Variants in GINS1 observed in about 807,000 individuals in gnomAD.
GINS1 encodes the protein DNA replication complex GINS protein PSF1.
In GINS1, 26 loss-of-function variants were observed where a neutral mutation model predicts 34.9. That is an observed-to-expected ratio of 0.74 (90% CI 0.55 to 1.03). The LOEUF is 1.03. GINS1 is among the 50% of genes least tolerant of loss of function. GINS1 has a pLI of 0.00. For missense variants in GINS1, 235 were observed against 237.9 expected (o/e 0.99, Z 0.08); for synonymous variants, 97 against 84.4 (o/e 1.15, Z -0.82).
Position 25,429,934 on chromosome 20 carries a change from A to C in GINS1, c.447+4607A>C, listed in dbSNP as rs1356686450. 5.9e-5 allele frequency among the ~76,000 whole-genome samples: 9 copies of C among 152,102 alleles called. No homozygotes were observed. In the East Asian group the frequency reaches 1.7e-3, roughly 29 times the overall value. Reference sequence around the variant, plus strand: ...TTCAGTCTTTCTTTTTCTTTTTGAGACAGAGTCTTGCTCTGTTGCCCAGGT... The same window carrying C: ...TTCAGTCTTTCTTTTTCTTTTTGAGCCAGAGTCTTGCTCTGTTGCCCAGGT... On this transcript the variant is annotated intron_variant, in intron 5 of 6. Coordinates refer to ENST00000262460, the MANE Select transcript of GINS1 (RefSeq NM_021067.5).
chr20:25,424,375 G>C (rs530616502), intron 4 of GINS1, among the ~76,000 whole-genome samples: 1 of 152,098 alleles, frequency 6.6e-6, no homozygotes, highest in Non-Finnish European at 1.5e-5. Context: ...GATTGTTGAC[G>C]TTATTACAAT....
Position 25,420,865 on chromosome 20 carries a change from CT to C in GINS1, c.330+2671del, listed in dbSNP as rs1451854609. The C allele has an allele frequency of 3.1e-6, 3 of 978,140 alleles. No homozygotes were observed. The East Asian group carries it at 3.4e-4, about 111-fold the overall frequency. The allele number at this position is 978,140 out of a possible 1,614,324, so 60.6% of individuals were successfully genotyped here. A position where few individuals can be genotyped will look rare whatever the true frequency, so the allele number is the denominator to read the frequency against. ...TCTTAGTAGTGATGTTTTGGAAACA[CT>C]GAAGGATGAGAAGAGATTAATACAG... On this transcript the variant is annotated intron_variant, in intron 4 of 6. Coordinates refer to ENST00000262460, the MANE Select transcript of GINS1 (RefSeq NM_021067.5).
intron 1 of GINS1, chr20:25,409,030 T>G: frequency 1.0e-6 from 1 of 985,150 alleles, no homozygotes; most frequent in Non-Finnish European, 1.2e-6. Flanking sequence ...AGGTGATATA[T>G]GAGCCTTTCC....
intron 4 of GINS1, among the ~76,000 whole-genome samples, chr20:25,420,335 T>A (rs961152050): frequency 1.4e-4 from 21 of 151,772 alleles, no homozygotes; most frequent in Non-Finnish European, 5.9e-5. Flanking sequence ...GGTTTCACTG[T>A]ATTGGCCAGG....
intron 3 of GINS1, 194 bp downstream of exon 3, chr20:25,417,396 C>A: frequency 1.8e-6 from 1 of 563,398 alleles, no homozygotes; most frequent in Non-Finnish European, 3.1e-6. Flanking sequence ...GAGAATAATA[C>A]TATAATGAAC....
chr20:25,419,217 TTAC>T (rs753316839), intron 4 of GINS1, among the ~76,000 whole-genome samples: 13 of 152,258 alleles, frequency 8.5e-5, no homozygotes, highest in Non-Finnish European at 1.6e-4. Flanking sequence ...ATGTTAACAG[TTAC>T]TACATTACAG....
intron 5 of GINS1, among the ~76,000 whole-genome samples, chr20:25,428,691 A>G (rs2090407614): frequency 1.3e-5 from 2 of 151,672 alleles, no homozygotes; most frequent in Admixed American, 6.6e-5. Context: ...GGTGTGAGCC[A>G]CCGCACCCGG....
chr20:25,427,954 C>T (rs2090401753), intron 5 of GINS1, among the ~76,000 whole-genome samples: 1 of 148,450 alleles, frequency 6.7e-6, no homozygotes, highest in Non-Finnish European at 1.5e-5. Context: ...TCACTGCAAC[C>T]CCTGCTTCCT....
chr20:25,442,049 G>A (rs572625827), intron 6 of GINS1, among the ~76,000 whole-genome samples: 1 of 152,194 alleles, frequency 6.6e-6, no homozygotes, highest in Non-Finnish European at 1.5e-5. Context: ...CTTATTCTGG[G>A]TAAGTGATAG....
At chr20:25,416,116 G>T (rs1366448720) in intron 2 of GINS1, among the ~76,000 whole-genome samples, 1 of 152,188 alleles carries the variant, frequency 6.6e-6, no homozygotes, top group Non-Finnish European at 1.5e-5. Context: ...TGTCTTAAAA[G>T]ATAATGCTGG....
rs527384751 is a variant in GINS1 at position 25,437,294 on chromosome 20, C to T, written c.448-4408C>T. On this transcript the variant is annotated intron_variant, in intron 5 of 6. Coordinates refer to ENST00000262460, the MANE Select transcript of GINS1 (RefSeq NM_021067.5). ...TGTCTGCCAGCCTCATCATTTGCACCTCTGTGATCAGAAACAGCAATCAGC... is the reference window on the plus strand; with the variant it reads ...TGTCTGCCAGCCTCATCATTTGCACTTCTGTGATCAGAAACAGCAATCAGC... 2.2e-4 allele frequency among the ~76,000 whole-genome samples: 33 copies of T among 152,374 alleles called. No individual in the cohort carries two copies. In the South Asian group the frequency reaches 4.1e-3, roughly 19 times the overall value.
intron 5 of GINS1, among the ~76,000 whole-genome samples, chr20:25,441,270 TG>T (rs2090480776): frequency 6.6e-6 from 1 of 152,206 alleles, no homozygotes; most frequent in Non-Finnish European, 1.5e-5. Context: ...TGAATGGGAT[TG>T]GAAGAATTGC....
chr20:25,407,857 C>T lies in GINS1; in HGVS notation c.37C>T (p.Leu13=), dbSNP rs2090256080. 1.9e-6 allele frequency: 3 copies of T among 1,613,932 alleles called. No individual in the cohort carries two copies. The highest frequency in any genetic ancestry group is 1.3e-5 in the African/African-American group (1 of 75,072). ...AAAAGCCATGGAACTGATCCGCGAG[C>T]TGCATCGCGCGCCCGAAGGGCAACT... ...CEKAMELIRE[L]HRAPEGQLPA... Residue 13 remains leucine (L), a synonymous_variant, in exon 1 of 7, where the codon CTG becomes TTG. Transcript: ENST00000262460.
chr20:25,435,630 C>T (rs1224558254), intron 5 of GINS1, among the ~76,000 whole-genome samples: 4 of 151,568 alleles, frequency 2.6e-5, no homozygotes, highest in Non-Finnish European at 5.9e-5. Context: ...TGGTGGTGCA[C>T]GCCTGTAATC....
At chr20:25,429,339 T>G (rs189992517) in intron 5 of GINS1, among the ~76,000 whole-genome samples, 118 of 152,242 alleles carry the variant, frequency 7.8e-4, no homozygotes, top group African/African-American at 2.8e-3. Context: ...TTATATGGAT[T>G]GTGGGATGGG....
At chr20:25,435,810 CTTTTTTT>C (rs199615377) in intron 5 of GINS1, among the ~76,000 whole-genome samples, 58,674 of 108,200 alleles carry the variant, frequency 0.54, 16,753 homozygotes, top group East Asian at 0.98. Flanking sequence ...TAGAGTTACA[CTTTTTTT>C]TTTTTTTTTT....
chr20:25,433,128 A>C (rs2090436435), intron 5 of GINS1, among the ~76,000 whole-genome samples: 1 of 151,974 alleles, frequency 6.6e-6, no homozygotes, highest in South Asian at 2.1e-4. Context: ...CCATTCTGCT[A>C]ATCTCTGTCT....
intron 5 of GINS1, among the ~76,000 whole-genome samples, chr20:25,428,117 C>A (rs1354505261): frequency 6.6e-6 from 1 of 152,062 alleles, no homozygotes; most frequent in Admixed American, 6.6e-5. Context: ...AGGTGATCCA[C>A]CCACCTTGGC....
At chr20:25,435,764 C>CAAAAA (rs1220652491) in intron 5 of GINS1, among the ~76,000 whole-genome samples, 1 of 60,736 alleles carries the variant, frequency 1.6e-5, no homozygotes, top group Non-Finnish European at 2.7e-5. Flanking sequence ...GATTCCGTCT[C>CAAAAA]AAAAAAAAAA....
Sources: allele counts gnomAD v4.1 joint callset (sites outside exome capture counted in the v4.1 genomes callset), GRCh38; gene constraint gnomAD v4.1.1; transcripts MANE v1.5; gene names NCBI Gene and HGNC (gene_info 2026-07-23, HGNC 2026-07-21).